The following ZNF395 variants were observed in gnomAD, a reference collection of about 807,000 sequenced individuals.
ZNF395 encodes HD gene regulatory region-binding protein 2.
In ZNF395, 20 loss-of-function variants were observed where a neutral mutation model predicts 57.7. That is an observed-to-expected ratio of 0.35 (90% CI 0.24 to 0.50). The LOEUF is 0.50. Among genes scored for constraint, ZNF395 ranks in the 20% least tolerant of loss-of-function variants. The pLI is 0.97. For missense variants in ZNF395, 606 were observed against 671.2 expected (o/e 0.90, Z 1.07); for synonymous variants, 295 against 275.9 (o/e 1.07, Z -0.69).
intron 1 of ZNF395, among the ~76,000 whole-genome samples, chr8:28,378,512 A>G (rs1247229235): frequency 6.6e-6 from 1 of 152,214 alleles, no homozygotes; most frequent in Admixed American, 6.5e-5. Context: ...AAGTGCTGAG[A>G]TTACAGGCGT....
chr8:28,385,398 C>G, intron 1 of ZNF395: 2 of 114,292 alleles, frequency 1.7e-5, no homozygotes, highest in South Asian at 5.6e-4. Flanking sequence ...CCCTGTGCAG[C>G]CCCGCCCCCC....
chr8:28,356,501 C>T lies in ZNF395; in HGVS notation c.583+169G>A, dbSNP rs186479759. 1.1e-4 allele frequency among the ~76,000 whole-genome samples: 17 copies of T among 152,352 alleles called. No individual in the cohort carries two copies. The highest frequency in any genetic ancestry group is 6.5e-4 in the Admixed American group (10 of 15,304). On this transcript the variant is annotated intron_variant, in intron 4 of 9. Transcript: ENST00000344423. The surrounding 1 kb of genome is among the most constrained non-coding windows in gnomAD (Gnocchi z 4.0). Reference sequence around the variant, plus strand: ...AGGTGAGGAAACTGAGGAAAAAGAACGGAAGCATCTAACTCCATGGCATGC... The same window carrying T: ...AGGTGAGGAAACTGAGGAAAAAGAATGGAAGCATCTAACTCCATGGCATGC...
chr8:28,354,935 G>A (rs1305739939), intron 4 of ZNF395, among the ~76,000 whole-genome samples: 4 of 151,758 alleles, frequency 2.6e-5, no homozygotes, highest in East Asian at 1.9e-4. Context: ...AAATGCGGTA[G>A]CCCTTCCCTA....
chr8:28,373,445 G>A (rs1252935294), intron 1 of ZNF395, among the ~76,000 whole-genome samples: 3 of 152,144 alleles, frequency 2.0e-5, no homozygotes, highest in East Asian at 1.9e-4. Flanking sequence ...CCACGTGGCC[G>A]CATTCTAGAT....
intron 8 of ZNF395, among the ~76,000 whole-genome samples, chr8:28,349,522 C>T (rs1345188015): frequency 1.3e-5 from 2 of 152,232 alleles, no homozygotes; most frequent in Middle Eastern, 3.2e-3. Flanking sequence ...GGAAGCCTCA[C>T]ACTGCCTCAG....
chr8:28,350,168 G>A lies in ZNF395; in HGVS notation c.1234-12C>T, dbSNP rs748323364. On this transcript the variant is annotated splice_polypyrimidine_tract_variant and intron_variant, in intron 7 of 9. Coordinates refer to ENST00000344423, the MANE Select transcript of ZNF395 (RefSeq NM_018660.3). The stretch of plus-strand genomic sequence containing the variant: ...AAGGATGGCAGAGCCTGCGGAAGAC[G>A]AGGGTGTCAGCCCGGATTCTAGCTC... 1.6e-5 allele frequency: 25 copies of A among 1,594,102 alleles called. No individual in the cohort carries two copies. The highest frequency in any genetic ancestry group is 9.0e-5 in the East Asian group (4 of 44,228).
chr8:28,346,315 G>C lies in ZNF395; in HGVS notation c.*2404C>G, dbSNP rs2129927718. 6.6e-6 allele frequency: 1 copy of C among 152,254 alleles called. No homozygotes were observed. Among genetic ancestry groups the C allele is most frequent in the African/African-American group, 2.4e-5 (1 of 41,536 alleles). The allele number at this position is 152,254 out of a possible 1,614,324, so 9.4% of individuals were successfully genotyped here. ...AGAAGAAAGTAGGCATGATCACTGGGTCGGTTCCCAAGCCACCCTCACCCT... is the reference window on the plus strand; with the variant it reads ...AGAAGAAAGTAGGCATGATCACTGGCTCGGTTCCCAAGCCACCCTCACCCT... On this transcript the variant is annotated 3_prime_UTR_variant, in exon 10 of 10. Transcript: ENST00000344423.
intron 1 of ZNF395, among the ~76,000 whole-genome samples, chr8:28,382,066 C>A (rs1376650442): frequency 2.6e-5 from 4 of 152,078 alleles, no homozygotes; most frequent in Admixed American, 2.6e-4. Context: ...GCCCAGCATT[C>A]GAGTCTCTTG....
At position 28,359,638 on chromosome 8, in the gene ZNF395, C is replaced by T; in HGVS notation, c.427G>A (p.Ala143Thr). The T allele has an allele frequency of 6.2e-7, 1 of 1,612,454 alleles. No individual in the cohort carries two copies. The highest frequency in any genetic ancestry group is 1.1e-5 in the South Asian group (1 of 90,976). The change falls in exon 3 of 10, where the codon GCC (alanine) becomes ACC (threonine). Residue 143 changes from alanine to threonine, a missense_variant. This residue lies in a region of ZNF395 where 309 missense variants were observed against 374.7 expected (regional missense o/e 0.82). Coordinates refer to ENST00000344423, the MANE Select transcript of ZNF395 (RefSeq NM_018660.3). This position sits in a 1 kb window ranked among gnomAD's most constrained non-coding sequence, Gnocchi z 4.7. ...CTGGAGACGGGCCTGTAGGCCAGGG[C>T]CTGGGCTCCGGGCTCCAGGGGTGGT... ...QAPPLEPGAQ[A>T]LAYRPVSRNI...
intron 3 of ZNF395, among the ~76,000 whole-genome samples, chr8:28,358,114 T>TA (rs1208230307): frequency 1.3e-5 from 2 of 152,040 alleles, no homozygotes; most frequent in Non-Finnish European, 2.9e-5. Flanking sequence ...TTTACATTTT[T>TA]AAATGGTTTT....
chr8:28,385,449 A>G (rs1205778332), intron 1 of ZNF395: 2 of 143,832 alleles, frequency 1.4e-5, no homozygotes, highest in Non-Finnish European at 3.0e-5. Context: ...ACCGCCGGGG[A>G]GGGCCAGGGG....
chr8:28,352,847 A>G lies in ZNF395; in HGVS notation c.820-174T>C, dbSNP rs1383820747. Among the ~76,000 whole-genome samples the G allele has an allele frequency of 6.6e-6, 1 of 152,210 alleles. No individual in the cohort carries two copies. Among genetic ancestry groups the G allele is most frequent in the Admixed American group, 6.5e-5 (1 of 15,288 alleles). On this transcript the variant is annotated intron_variant, in intron 5 of 9. Coordinates refer to ENST00000344423, the MANE Select transcript of ZNF395 (RefSeq NM_018660.3). This position sits in a 1 kb window ranked among gnomAD's most constrained non-coding sequence, Gnocchi z 4.0. ...TACAACCAGGGGCTAGAAAGCCCCA[A>G]TCTAAGAGATGGTCCTAGTGGCCAA...
rs148241775 is a variant in ZNF395 at position 28,349,144 on chromosome 8, G to T, written c.1411C>A (p.Arg471=). Residue 471 remains arginine (R), a synonymous_variant, in exon 9 of 10, where the codon CGG becomes AGG. Coordinates refer to ENST00000344423, the MANE Select transcript of ZNF395 (RefSeq NM_018660.3). ...KSHLIVTSPP[R]AQSGARKARG... is the part of the protein sequence containing the mutation. Reference sequence around the variant, plus strand: ...TCTCACCTGGCACCACTCTGGGCCCGGGGTGGAGAAGTGACGATCAGATGA... The same window carrying T: ...TCTCACCTGGCACCACTCTGGGCCCTGGGTGGAGAAGTGACGATCAGATGA... 3 of 1,566,384 alleles carry T rather than the reference G, an allele frequency of 1.9e-6. No homozygotes were observed. In the African/African-American group the frequency reaches 4.1e-5, roughly 21 times the overall value.
chr8:28,372,164 C>G (rs1054787639), intron 1 of ZNF395, among the ~76,000 whole-genome samples: 2 of 152,170 alleles, frequency 1.3e-5, no homozygotes, highest in African/African-American at 2.4e-5. Context: ...TTGATCCTAT[C>G]CCAGAGGATA....
chr8:28,356,888 T>C lies in ZNF395; in HGVS notation c.474-109A>G. ...CTGGTTTCACACAATCATCTTACAC[T>C]TCTGGACTGTCCCCTCCAAGTGCCC... On this transcript the variant is annotated intron_variant, in intron 3 of 9. Coordinates refer to ENST00000344423, the MANE Select transcript of ZNF395 (RefSeq NM_018660.3). This position sits in a 1 kb window ranked among gnomAD's most constrained non-coding sequence, Gnocchi z 4.0. The C allele has an allele frequency of 1.2e-6, 1 of 827,060 alleles. No homozygotes were observed. Among genetic ancestry groups the C allele is most frequent in the Non-Finnish European group, 1.9e-6 (1 of 518,650 alleles). 51.2% of individuals were successfully genotyped at this position (827,060 alleles called of 1,614,324 possible).
intron 1 of ZNF395, among the ~76,000 whole-genome samples, chr8:28,373,462 A>G (rs1802000435): frequency 6.6e-6 from 1 of 152,086 alleles, no homozygotes; most frequent in Non-Finnish European, 1.5e-5. Context: ...AGATGCCTTT[A>G]AAGAACATCA....
chr8:28,355,618 T>C (rs1801769788), intron 4 of ZNF395, among the ~76,000 whole-genome samples: 1 of 152,164 alleles, frequency 6.6e-6, no homozygotes. Context: ...CCTAGATCTT[T>C]CCACTGTTAA....
At chr8:28,370,150 A>G (rs980262418) in intron 1 of ZNF395, among the ~76,000 whole-genome samples, 1 of 152,060 alleles carries the variant, frequency 6.6e-6, no homozygotes, top group African/African-American at 2.4e-5. Context: ...CCATGTGAAC[A>G]TTTTCCATTT....
At chr8:28,371,316 G>A (rs959385090) in intron 1 of ZNF395, among the ~76,000 whole-genome samples, 8 of 152,154 alleles carry the variant, frequency 5.3e-5, no homozygotes, top group African/African-American at 1.7e-4. Flanking sequence ...AAATAGCTGC[G>A]ACTACAGGTG....
Sources: gnomAD v4.1 joint callset for allele counts (sites outside exome capture counted in the v4.1 genomes callset) on GRCh38, gnomAD v4.1.1 for gene constraint, gnomAD v4.1.1 regional missense constraint, Gnocchi (gnomAD v3.1) non-coding constraint, MANE v1.5 for transcripts, NCBI Gene and HGNC (gene_info 2026-07-23, HGNC 2026-07-21) for gene names.